The following SYT16 variants were observed in gnomAD, a reference collection of about 807,000 sequenced individuals.
SYT16 encodes the protein synaptotagmin 16, also known as synaptotagmin-16.
SYT16 carries 42 observed loss-of-function variants against 61.4 expected under a neutral mutation model. The observed-to-expected ratio is 0.68, with a 90% confidence interval of 0.53 to 0.89. The LOEUF (loss-of-function observed/expected upper bound fraction) is 0.89, where lower values mean the gene tolerates loss of function less well. Among genes scored for constraint, SYT16 ranks in the 40% least tolerant of loss-of-function variants. SYT16 has a pLI of 0.00. For missense variants in SYT16, 804 were observed against 807.3 expected, an observed-to-expected ratio of 1.00 and a Z score of 0.05; for synonymous variants, 314 against 302.3, an observed-to-expected ratio of 1.04 and a Z score of -0.40.
chr14:61,849,587 G>T (rs2046548597), intron 1 of SYT16, among the ~76,000 whole-genome samples: 1 of 152,078 alleles, frequency 6.6e-6, no homozygotes, highest in African/African-American at 2.4e-5. Context: ...GTTGCTTTCT[G>T]CTGTGATAGG....
intron 1 of SYT16, among the ~76,000 whole-genome samples, chr14:61,922,056 A>G (rs1454368741): frequency 1.3e-5 from 2 of 152,238 alleles, no homozygotes; most frequent in Admixed American, 6.5e-5. Context: ...CTCAAAAGAA[A>G]GAGCACACTT....
chr14:61,830,885 G>T (rs1465247734), intron 1 of SYT16, among the ~76,000 whole-genome samples: 1 of 152,156 alleles, frequency 6.6e-6, no homozygotes, highest in African/African-American at 2.4e-5. Flanking sequence ...TGCTGTTAGT[G>T]CCAGGCAAGG....
chr14:61,989,774 A>G lies in SYT16; in HGVS notation c.-144-6102A>G, dbSNP rs186608322. ...CCTTGTTTTGTATGATTCTAAAGCTATTAATATTTCTTTCCTTTGTATTGT... is the reference window on the plus strand; with the variant it reads ...CCTTGTTTTGTATGATTCTAAAGCTGTTAATATTTCTTTCCTTTGTATTGT... On this transcript the variant is annotated intron_variant, in intron 2 of 7. Coordinates refer to ENST00000683842, the MANE Select transcript of SYT16 (RefSeq NM_001367656.1). 3.3e-4 allele frequency among the ~76,000 whole-genome samples: 50 copies of G among 152,286 alleles called. 1 individual carries two copies. The highest frequency in any genetic ancestry group is 1.2e-3 in the African/African-American group (49 of 41,564).
intron 1 of SYT16, among the ~76,000 whole-genome samples, chr14:61,916,820 C>T (rs2049139699): frequency 6.6e-6 from 1 of 152,122 alleles, no homozygotes; most frequent in African/African-American, 2.4e-5. Context: ...TTGGCTCCCA[C>T]ATATAAGTAA....
At chr14:61,855,076 T>G (rs959357886) in intron 1 of SYT16, among the ~76,000 whole-genome samples, 1 of 152,204 alleles carries the variant, frequency 6.6e-6, no homozygotes, top group Non-Finnish European at 1.5e-5. Context: ...ATTTATTGAT[T>G]GTTAGCTTGG....
intron 7 of SYT16, among the ~76,000 whole-genome samples, chr14:62,097,513 A>G (rs986635663): frequency 5.3e-5 from 8 of 152,218 alleles, no homozygotes; most frequent in Non-Finnish European, 7.3e-5. Flanking sequence ...ATGCTCCCCA[A>G]CTATTCCACA....
chr14:61,878,638 C>T (rs1566646688), intron 1 of SYT16, among the ~76,000 whole-genome samples: 3 of 152,156 alleles, frequency 2.0e-5, no homozygotes, highest in South Asian at 4.1e-4. Context: ...ATACCAAAAC[C>T]TGGGTTTTTG....
At chr14:61,829,543 A>T (rs1384261036) in intron 1 of SYT16, among the ~76,000 whole-genome samples, 1 of 152,010 alleles carries the variant, frequency 6.6e-6, no homozygotes, top group Non-Finnish European at 1.5e-5. Flanking sequence ...TAACACAAAT[A>T]TTAGATTTTT....
At chr14:61,880,507 C>G (rs1283120343) in intron 1 of SYT16, among the ~76,000 whole-genome samples, 1 of 152,046 alleles carries the variant, frequency 6.6e-6, no homozygotes. Flanking sequence ...CCACAAAATC[C>G]TGTTGGGGTT....
chr14:62,006,736 A>G (rs556506192), intron 3 of SYT16, among the ~76,000 whole-genome samples: 1 of 152,296 alleles, frequency 6.6e-6, no homozygotes, highest in African/African-American at 2.4e-5. Context: ...AGAAGCAGCT[A>G]TGACACCTTT....
At chr14:61,964,165 C>A (rs1346032797) in intron 1 of SYT16, among the ~76,000 whole-genome samples, 2 of 152,148 alleles carry the variant, frequency 1.3e-5, no homozygotes, top group East Asian at 3.9e-4. Context: ...GTTCAACTTT[C>A]AAGCTCATTA....
chr14:61,937,616 C>T (rs959110336), intron 1 of SYT16, among the ~76,000 whole-genome samples: 3 of 152,154 alleles, frequency 2.0e-5, no homozygotes, highest in Non-Finnish European at 4.4e-5. Flanking sequence ...GCAGGAAGCC[C>T]CACTTGCCTT....
chr14:61,903,769 T>C (rs1304549938), intron 1 of SYT16, among the ~76,000 whole-genome samples: 1 of 152,228 alleles, frequency 6.6e-6, no homozygotes, highest in African/African-American at 2.4e-5. Context: ...GCCAGGTCTT[T>C]GCTGTGGTTG....
chr14:62,004,019 A>T (rs969365745), intron 3 of SYT16, among the ~76,000 whole-genome samples: 9 of 152,272 alleles, frequency 5.9e-5, no homozygotes, highest in African/African-American at 2.2e-4. Context: ...TAAGGCTGTG[A>T]TTGGGAAGGT....
rs2057553560 is a variant in SYT16 at position 62,108,691 on chromosome 14, C to G, written c.*7984C>G. ...ATTCAATTTTGTGAAATACAAAGTC[C>G]TTTCCAGAATTTTAAAACTTAATTT... On this transcript the variant is annotated 3_prime_UTR_variant, in exon 8 of 8. Coordinates refer to ENST00000683842, the MANE Select transcript of SYT16 (RefSeq NM_001367656.1). 6.6e-6 allele frequency: 1 copy of G among 152,068 alleles called. No individual in the cohort carries two copies. Among genetic ancestry groups the G allele is most frequent in the Non-Finnish European group, 1.5e-5 (1 of 68,006 alleles). The allele number at this position is 152,068 out of a possible 1,614,324, so 9.4% of individuals were successfully genotyped here. A position where few individuals can be genotyped will look rare whatever the true frequency, so the allele number is the denominator to read the frequency against.
chr14:62,085,350 A>G (rs144394663), intron 7 of SYT16, among the ~76,000 whole-genome samples: 3 of 152,222 alleles, frequency 2.0e-5, no homozygotes, highest in African/African-American at 4.8e-5. Flanking sequence ...GCTAGCTGCA[A>G]GAGAGTCTGA....
At chr14:61,966,556 A>G (rs2051323286) in intron 1 of SYT16, among the ~76,000 whole-genome samples, 1 of 152,204 alleles carries the variant, frequency 6.6e-6, no homozygotes, top group Non-Finnish European at 1.5e-5. Flanking sequence ...TATATTTGCC[A>G]TGTAGATAAA....
chr14:61,822,010 C>T (rs747072880), intron 1 of SYT16, among the ~76,000 whole-genome samples: 7 of 152,122 alleles, frequency 4.6e-5, no homozygotes, highest in South Asian at 2.1e-4. Context: ...TTGGCTAACA[C>T]GATCACAAAG....
At chr14:61,922,772 A>T (rs1206133327) in intron 1 of SYT16, among the ~76,000 whole-genome samples, 1 of 152,214 alleles carries the variant, frequency 6.6e-6, no homozygotes. Context: ...TTTGTAGGCC[A>T]GGCGTGGTAG....
Sources: gnomAD v4.1 joint callset for allele counts (sites outside exome capture counted in the v4.1 genomes callset) on GRCh38, gnomAD v4.1.1 for gene constraint, MANE v1.5 for transcripts, NCBI Gene and HGNC (gene_info 2026-07-23, HGNC 2026-07-21) for gene names.